Variants in TEN1 observed in about 807,000 individuals in gnomAD.
TEN1 encodes the protein CST complex subunit TEN1.
TEN1 carries 6 observed loss-of-function variants against 9.3 expected under a neutral mutation model. That is an observed-to-expected ratio of 0.65 (90% confidence interval 0.35 to 1.27). TEN1 has a LOEUF of 1.27. Ranked by LOEUF, TEN1 falls within the 50% of genes most tolerant of loss-of-function variation. The pLI is 0.03. For synonymous variants in TEN1, 65 were observed against 65.6 expected, an observed-to-expected ratio of 0.99 and a Z score of 0.04; for missense variants, 149 against 158.2, an observed-to-expected ratio of 0.94 and a Z score of 0.31.
intron 2 of TEN1, among the ~76,000 whole-genome samples, chr17:75,990,325 CA>C (rs1416630605): frequency 6.6e-6 from 1 of 151,390 alleles, no homozygotes; most frequent in Non-Finnish European, 1.5e-5. Context: ...CTGGGATTAC[CA>C]GCATGAGCCA....
At position 75,986,261 on chromosome 17, in the gene TEN1, G is replaced by T. The variant is rs1598211507; in HGVS notation, c.69G>T (p.Gly23=). ...TTAGTGCAGGCCAAGTTCCTGATGGGAGCACGCTGAGAACATTTGGCAGGT... is the reference window on the plus strand; with the variant it reads ...TTAGTGCAGGCCAAGTTCCTGATGGTAGCACGCTGAGAACATTTGGCAGGT... ...WEVSAGQVPD[G]STLRTFGRLC... Residue 23 remains glycine, a synonymous_variant, in exon 2 of 4, where the codon GGG becomes GGT. Transcript: ENST00000397640. 2 of 1,549,124 alleles carry T rather than the reference G, an allele frequency of 1.3e-6. No homozygotes were observed. The highest frequency in any genetic ancestry group is 2.7e-5 in the African/African-American group (2 of 73,050).
chr17:75,998,143 C>T (rs551586021), intron 3 of TEN1, among the ~76,000 whole-genome samples: 300 of 150,762 alleles, frequency 2.0e-3, no homozygotes, highest in Non-Finnish European at 3.7e-3. Flanking sequence ...TGAGCCACTG[C>T]GCCTGGCCTT....
At position 76,000,284 on chromosome 17, in the gene TEN1, C is replaced by G. The variant is rs1438768031; in HGVS notation, c.*22C>G. ...GTAGGAAACAGCAGCCTAGCAACACCCTCACCTGCTTCAGAGCCCGAACCC... is the reference window on the plus strand; with the variant it reads ...GTAGGAAACAGCAGCCTAGCAACACGCTCACCTGCTTCAGAGCCCGAACCC... On this transcript the variant is annotated 3_prime_UTR_variant, in exon 4 of 4. Coordinates refer to ENST00000397640, the MANE Select transcript of TEN1 (RefSeq NM_001113324.3). The surrounding 1 kb of genome is among the most constrained non-coding windows in gnomAD (Gnocchi z 5.9). 1 of 1,546,802 alleles carries G rather than the reference C, an allele frequency of 6.5e-7. No individual in the cohort carries two copies. The highest frequency in any genetic ancestry group is 1.4e-5 in the African/African-American group (1 of 72,968).
intron 2 of TEN1, among the ~76,000 whole-genome samples, chr17:75,988,202 T>A (rs559015768): frequency 2.0e-5 from 3 of 148,500 alleles, no homozygotes; most frequent in Non-Finnish European, 4.4e-5. Flanking sequence ...ATCATGCCAT[T>A]ACACTCCAGC....
At position 75,991,523 on chromosome 17, in the gene TEN1, C is replaced by G. The variant is rs781361291; in HGVS notation, c.150C>G (p.Ser50=). 6.4e-7 allele frequency: 1 copy of G among 1,552,296 alleles called. No homozygotes were observed. Among genetic ancestry groups the G allele is most frequent in the African/African-American group, 1.4e-5 (1 of 73,158 alleles). The change falls in exon 3 of 4, where the codon TCC becomes TCG. Residue 50 remains serine, a synonymous_variant. Transcript: ENST00000397640. ...TAACACTGATGGCTCAGCACGGATC[C>G]GATCAGCACCAGGTTCTTGTCTGTA... The part of the protein sequence containing the change: ...SRVTLMAQHG[S]DQHQVLVCTK...
chr17:75,991,588 T>C lies in TEN1; in HGVS notation c.215T>C (p.Leu72Pro). The change falls in exon 3 of 4, where the codon CTG becomes CCG. Residue 72 changes from leucine to proline, a missense_variant. Coordinates refer to ENST00000397640, the MANE Select transcript of TEN1 (RefSeq NM_001113324.3). ...VEPFHAQVGS[L>P]YIVLGELQHQ... ...CCCTTCCACGCCCAGGTGGGCTCCC[T>C]GTACATCGTCCTCGGGGAGCTCCAG... 6.4e-7 allele frequency: 1 copy of C among 1,552,024 alleles called. No homozygotes were observed. The highest frequency in any genetic ancestry group is 8.7e-7 in the Non-Finnish European group (1 of 1,147,046).
At chr17:75,989,222 C>G (rs1320669728) in intron 2 of TEN1, among the ~76,000 whole-genome samples, 1 of 151,930 alleles carries the variant, frequency 6.6e-6, no homozygotes, top group African/African-American at 2.4e-5. Flanking sequence ...GCCTCAGCCT[C>G]CCAAGTAGCT....
intron 3 of TEN1, among the ~76,000 whole-genome samples, chr17:75,995,810 C>T (rs57570675): frequency 0.052 from 7,960 of 152,210 alleles, 214 homozygotes; most frequent in Middle Eastern, 0.12. Context: ...AGAAACCTTC[C>T]TTGTGTGGCT....
chr17:75,983,118 TA>T (rs1463294300), intron 1 of TEN1, among the ~76,000 whole-genome samples: 1 of 150,762 alleles, frequency 6.6e-6, no homozygotes, highest in African/African-American at 2.4e-5. Context: ...CCGTCTCTAC[TA>T]AAAATACAAA....
intron 2 of TEN1, among the ~76,000 whole-genome samples, chr17:75,991,190 T>C (rs1290816957): frequency 7.9e-6 from 1 of 126,092 alleles, no homozygotes; most frequent in African/African-American, 3.1e-5. Context: ...AAGAAAAAAA[T>C]GAATAAACTG....
chr17:75,988,551 G>C (rs1416693813), intron 2 of TEN1, among the ~76,000 whole-genome samples: 1 of 96,970 alleles, frequency 1.0e-5, no homozygotes, highest in African/African-American at 4.4e-5. Flanking sequence ...GACAGAGTGA[G>C]ATCCTGCCTC....
intron 2 of TEN1, among the ~76,000 whole-genome samples, chr17:75,988,353 G>A (rs2066164735): frequency 6.6e-6 from 1 of 151,330 alleles, no homozygotes. Flanking sequence ...TTGAGTCCAG[G>A]AGTTTGAGAC....
intron 2 of TEN1, among the ~76,000 whole-genome samples, chr17:75,987,977 C>T (rs2066162453): frequency 2.0e-5 from 3 of 147,116 alleles, no homozygotes; most frequent in African/African-American, 5.1e-5. Context: ...CGGTGGTTCA[C>T]GCCTGTAATG....
At chr17:75,983,342 G>A (rs374404608) in intron 1 of TEN1, among the ~76,000 whole-genome samples, 4 of 152,040 alleles carry the variant, frequency 2.6e-5, no homozygotes, top group Non-Finnish European at 5.9e-5. Context: ...TTCCTCCCTC[G>A]GTGAGAATTG....
intron 3 of TEN1, among the ~76,000 whole-genome samples, chr17:75,995,679 G>A (rs879924250): frequency 6.6e-6 from 1 of 152,184 alleles, no homozygotes; most frequent in African/African-American, 2.4e-5. Flanking sequence ...AGAGGCCCTC[G>A]GAGCATGCCC....
intron 1 of TEN1, among the ~76,000 whole-genome samples, chr17:75,982,209 A>G (rs1352028858): frequency 6.6e-6 from 1 of 152,226 alleles, no homozygotes; most frequent in Non-Finnish European, 1.5e-5. Context: ...CAAGAGGCCA[A>G]GAAGAATCTA....
intron 3 of TEN1, among the ~76,000 whole-genome samples, chr17:75,994,394 A>AT (rs762570185): frequency 1.1e-4 from 17 of 148,882 alleles, no homozygotes; most frequent in Non-Finnish European, 2.4e-4. Flanking sequence ...AGATCGCACC[A>AT]TTGCACTCCA....
chr17:75,988,788 T>C (rs904022279), intron 2 of TEN1, among the ~76,000 whole-genome samples: 2 of 152,112 alleles, frequency 1.3e-5, no homozygotes, highest in African/African-American at 4.8e-5. Context: ...TTGTTTTTTT[T>C]TGAGACGGAG....
At chr17:75,991,163 A>G (rs971370071) in intron 2 of TEN1, among the ~76,000 whole-genome samples, 27 of 149,908 alleles carry the variant, frequency 1.8e-4, no homozygotes, top group African/African-American at 6.1e-4. Flanking sequence ...AAAAAAAAAA[A>G]AAAAAGAAAA....
Sources: allele counts gnomAD v4.1 joint callset (sites outside exome capture counted in the v4.1 genomes callset), GRCh38; gene constraint gnomAD v4.1.1; non-coding constraint Gnocchi (gnomAD v3.1); transcripts MANE v1.5; gene names NCBI Gene and HGNC (gene_info 2026-07-23, HGNC 2026-07-21).